Variants in RORA observed in about 807,000 individuals in gnomAD.
RORA encodes RAR related orphan receptor A.
In RORA, 7 loss-of-function variants were observed where a neutral mutation model predicts 69.5. The observed-to-expected ratio is 0.10, with a 90% confidence interval of 0.06 to 0.19. RORA has a LOEUF of 0.19. Among genes scored for constraint, RORA ranks in the 10% least tolerant of loss-of-function variants. The probability of loss-of-function intolerance (pLI) is 1.00; values close to 1 mark genes in which losing one functional copy is unlikely to be tolerated. For synonymous variants in RORA, 261 were observed against 240.8 expected (o/e 1.08, Z -0.78); for missense variants, 457 against 663.0 (o/e 0.69, Z 3.41).
chr15:60,630,593 C>T (rs1339100390), intron 2 of RORA: 1 of 152,178 alleles, frequency 6.6e-6, no homozygotes, highest in African/African-American at 2.4e-5. Context: ...CAGTGGAAGG[C>T]AAAAAGAATG....
intron 2 of RORA, among the ~76,000 whole-genome samples, chr15:60,581,777 T>C (rs890573011): frequency 2.6e-5 from 4 of 152,226 alleles, no homozygotes; most frequent in South Asian, 2.1e-4. Context: ...AATGTTTCAA[T>C]GAAATCCAAG....
intron 1 of RORA, among the ~76,000 whole-genome samples, chr15:61,121,768 C>T (rs2079106993): frequency 6.6e-6 from 1 of 151,302 alleles, no homozygotes; most frequent in South Asian, 2.1e-4. Flanking sequence ...AACACACACC[C>T]ATCCAGTGAT....
intron 2 of RORA, among the ~76,000 whole-genome samples, chr15:60,550,653 A>T (rs1301999221): frequency 5.3e-5 from 8 of 152,190 alleles, no homozygotes; most frequent in Admixed American, 5.2e-4. Context: ...CTTTTCCTTA[A>T]GGCTTAAGGA....
At chr15:60,947,925 C>A (rs1892947760) in intron 1 of RORA, among the ~76,000 whole-genome samples, 1 of 152,124 alleles carries the variant, frequency 6.6e-6, no homozygotes, top group Non-Finnish European at 1.5e-5. Context: ...TCAGAAGTGG[C>A]ATTAGTGCTA....
chr15:61,030,741 A>G (rs1246421926), intron 1 of RORA, among the ~76,000 whole-genome samples: 1 of 152,200 alleles, frequency 6.6e-6, no homozygotes, highest in Non-Finnish European at 1.5e-5. Flanking sequence ...GTAGCATCTA[A>G]AACAGATTTT....
At chr15:61,093,232 C>T (rs1204361641) in intron 1 of RORA, among the ~76,000 whole-genome samples, 1 of 152,056 alleles carries the variant, frequency 6.6e-6, no homozygotes, top group Admixed American at 6.5e-5. Flanking sequence ...TTCTTAAATC[C>T]CAACTAGAAA....
chr15:60,988,377 C>T (rs112406951), intron 1 of RORA, among the ~76,000 whole-genome samples: 5 of 152,164 alleles, frequency 3.3e-5, no homozygotes, highest in African/African-American at 1.2e-4. Context: ...TTTGATGCTC[C>T]TGGAAATAGA....
intron 1 of RORA, among the ~76,000 whole-genome samples, chr15:60,973,231 A>T (rs1893775953): frequency 6.6e-6 from 1 of 152,206 alleles, no homozygotes. Flanking sequence ...TCACAGGTTC[A>T]CTCAGTGTCA....
In RORA at chr15:60,666,733, A is replaced by T. The variant is rs1416732923; in HGVS notation, c.196+11924T>A. On this transcript the variant is annotated intron_variant, in intron 2 of 10. Coordinates refer to ENST00000335670, the MANE Select transcript of RORA (RefSeq NM_134261.3). The stretch of plus-strand genomic sequence containing the variant: ...AGATACTACAGATACAAAGGCACCG[A>T]GGTATGCCCATGCATGGAATCTCCT... Among the ~76,000 whole-genome samples the T allele has an allele frequency of 2.6e-5, 4 of 152,288 alleles. No homozygotes were observed. In the South Asian group the frequency reaches 6.2e-4, roughly 24 times the overall value.
intron 1 of RORA, among the ~76,000 whole-genome samples, chr15:60,933,384 G>C (rs1229860870): frequency 6.6e-6 from 1 of 152,152 alleles, no homozygotes; most frequent in Non-Finnish European, 1.5e-5. Flanking sequence ...CCCTTGCAGT[G>C]CCCTTTTCTT....
intron 2 of RORA, among the ~76,000 whole-genome samples, chr15:60,566,509 C>G (rs1409594303): frequency 1.3e-5 from 2 of 152,052 alleles, no homozygotes; most frequent in African/African-American, 2.4e-5. Context: ...TTACTGAAAG[C>G]TAGGTTTATA....
intron 2 of RORA, among the ~76,000 whole-genome samples, chr15:60,653,298 C>CGTGTGTGTGT (rs61265165): frequency 1.5e-4 from 22 of 147,484 alleles, no homozygotes; most frequent in Non-Finnish European, 2.4e-4. Flanking sequence ...CAGGTGCATG[C>CGTGTGTGTGT]GTGTGTGTGT....
At chr15:60,948,001 A>C (rs939162567) in intron 1 of RORA, among the ~76,000 whole-genome samples, 1 of 152,180 alleles carries the variant, frequency 6.6e-6, no homozygotes, top group African/African-American at 2.4e-5. Flanking sequence ...TGATGCCTTG[A>C]TGATTTCCTT....
intron 1 of RORA, among the ~76,000 whole-genome samples, chr15:60,866,843 T>TCTATCTATCTAA (rs916648939): frequency 4.0e-5 from 6 of 151,278 alleles, no homozygotes; most frequent in Non-Finnish European, 5.9e-5. Flanking sequence ...TATCTATCTA[T>TCTATCTATCTAA]CTATCTATCT....
At chr15:61,077,186 G>C (rs1395464060) in intron 1 of RORA, among the ~76,000 whole-genome samples, 1 of 151,368 alleles carries the variant, frequency 6.6e-6, no homozygotes, top group African/African-American at 2.4e-5. Context: ...GATGATACCA[G>C]GTGTGATCAA....
At chr15:60,761,507 T>C (rs369042316) in intron 1 of RORA, among the ~76,000 whole-genome samples, 12 of 152,250 alleles carry the variant, frequency 7.9e-5, no homozygotes, top group African/African-American at 2.6e-4. Flanking sequence ...TTATGATATG[T>C]TTTTTTAAAA....
At chr15:61,073,629 C>T (rs980529582) in intron 1 of RORA, among the ~76,000 whole-genome samples, 1 of 152,138 alleles carries the variant, frequency 6.6e-6, no homozygotes, top group Non-Finnish European at 1.5e-5. Flanking sequence ...AATTCAAATT[C>T]GCATCTCAAT....
intron 1 of RORA, among the ~76,000 whole-genome samples, chr15:61,133,584 T>A (rs913522471): frequency 1.1e-4 from 17 of 151,876 alleles, no homozygotes; most frequent in East Asian, 3.9e-4. Context: ...AAAGGGTGAG[T>A]CACAAGTCGG....
intron 1 of RORA, among the ~76,000 whole-genome samples, chr15:60,937,013 A>G (rs1293925937): frequency 6.6e-6 from 1 of 152,206 alleles, no homozygotes; most frequent in Non-Finnish European, 1.5e-5. Flanking sequence ...AACAACTGCA[A>G]ACATTTACTT....
Sources: allele counts gnomAD v4.1 joint callset (sites outside exome capture counted in the v4.1 genomes callset), GRCh38; gene constraint gnomAD v4.1.1; transcripts MANE v1.5; gene names NCBI Gene and HGNC (gene_info 2026-07-23, HGNC 2026-07-21).